MBP: variants seen among roughly 807,000 people sequenced by gnomAD.
The protein encoded by MBP is Golli-MBP.
Under a neutral mutation model 35.8 loss-of-function variants are expected in MBP, and 16 were observed. The ratio of observed to expected loss-of-function variants is 0.45; its 90% CI spans 0.30 to 0.68. MBP has a LOEUF of 0.68. Ranked by LOEUF, MBP falls within the 30% of genes least tolerant of loss-of-function variation. The pLI is 0.08. For synonymous variants in MBP, 143 were observed against 159.6 expected, an observed-to-expected ratio of 0.90 and a Z score of 0.78; for missense variants, 380 against 404.7, an observed-to-expected ratio of 0.94 and a Z score of 0.52.
chr18:77,055,126 G>A (rs1005253702), intron 3 of MBP, among the ~76,000 whole-genome samples: 1 of 152,214 alleles, frequency 6.6e-6, no homozygotes, highest in East Asian at 1.9e-4. Flanking sequence ...GAACGGCAGC[G>A]CCGCCTGCTG....
At chr18:77,099,001 C>T (rs774425053) in intron 2 of MBP, among the ~76,000 whole-genome samples, 2 of 151,728 alleles carry the variant, frequency 1.3e-5, no homozygotes, top group Non-Finnish European at 2.9e-5. Flanking sequence ...TCTCCATCCT[C>T]CCCGTCATCC....
chr18:76,985,360 G>T (rs1178150272), intron 7 of MBP: 11 of 1,275,160 alleles, frequency 8.6e-6, no homozygotes, highest in Admixed American at 2.4e-5. Flanking sequence ...GCCTTTGCTG[G>T]GGGCTCCTTT....
intron 3 of MBP, among the ~76,000 whole-genome samples, chr18:77,047,043 C>T (rs1973286407): frequency 1.3e-5 from 2 of 152,078 alleles, no homozygotes; most frequent in African/African-American, 4.8e-5. Context: ...CGATAAACAC[C>T]CAAATGTGAA....
At chr18:77,075,923 C>T (rs774010198) in intron 2 of MBP, among the ~76,000 whole-genome samples, 2 of 152,174 alleles carry the variant, frequency 1.3e-5, no homozygotes, top group African/African-American at 2.4e-5. Context: ...GACTGTTGGC[C>T]TCTGGAGGCA....
intron 2 of MBP, among the ~76,000 whole-genome samples, chr18:77,068,500 GT>G (rs1198814031): frequency 6.6e-6 from 1 of 152,190 alleles, no homozygotes; most frequent in Non-Finnish European, 1.5e-5. Flanking sequence ...TCCTCAGTCT[GT>G]TTATAAACCA....
At chr18:77,086,500 G>A (rs930514471) in intron 2 of MBP, among the ~76,000 whole-genome samples, 1 of 152,178 alleles carries the variant, frequency 6.6e-6, no homozygotes, top group African/African-American at 2.4e-5. Flanking sequence ...ATGGTTACAC[G>A]AAGATGCAAG....
chr18:77,049,350 T>C (rs1174889320), intron 3 of MBP, among the ~76,000 whole-genome samples: 1 of 152,256 alleles, frequency 6.6e-6, no homozygotes, highest in Admixed American at 6.5e-5. Context: ...CCTTGATGCA[T>C]GATGAAGATG....
intron 4 of MBP, among the ~76,000 whole-genome samples, chr18:76,992,768 T>C (rs1039697522): frequency 1.3e-5 from 2 of 152,134 alleles, no homozygotes; most frequent in African/African-American, 4.8e-5. Flanking sequence ...GGCCCTTCCC[T>C]CTGGCTGCAG....
rs1280643400 is a variant in MBP, at chr18:77,101,619, C to G, written c.51+3592G>C. Reference sequence around the variant, plus strand: ...CCACTTGTTACCAGGGACCTGCACCCCATATGAGTGGACTAACACTGCAAC... The same window carrying G: ...CCACTTGTTACCAGGGACCTGCACCGCATATGAGTGGACTAACACTGCAAC... On this transcript the variant is annotated intron_variant, in intron 2 of 8. Transcript: ENST00000355994. This position sits in a 1 kb window ranked among gnomAD's most constrained non-coding sequence, Gnocchi z 4.3. 6.6e-6 allele frequency among the ~76,000 whole-genome samples: 1 copy of G among 152,164 alleles called. No individual in the cohort carries two copies. The highest frequency in any genetic ancestry group is 6.5e-5 in the Admixed American group (1 of 15,276).
intron 2 of MBP, among the ~76,000 whole-genome samples, chr18:77,067,155 G>A (rs1343329251): frequency 6.6e-6 from 1 of 152,202 alleles, no homozygotes; most frequent in Non-Finnish European, 1.5e-5. Flanking sequence ...TGATTCAAAT[G>A]CTCTAGAAAG....
At position 77,029,139 on chromosome 18, in the gene MBP, G is replaced by A. The variant is rs1431785028; in HGVS notation, c.140-11871C>T. Among the ~76,000 whole-genome samples the A allele has an allele frequency of 1.4e-4, 16 of 113,790 alleles. 1 individual carries two copies. The highest frequency in any genetic ancestry group is 4.3e-4 in the African/African-American group (16 of 37,526). 74.7% of individuals were successfully genotyped at this position (113,790 alleles called of 152,430 possible). A position where few individuals can be genotyped will look rare whatever the true frequency, so the allele number is the denominator to read the frequency against. On this transcript the variant is annotated intron_variant, in intron 3 of 8. Transcript: ENST00000355994. ...GGGCACCATTGAGCACTGAGTGAAC[G>A]AGACTCCGTCTGCAATCCCGGCACC...
intron 4 of MBP, among the ~76,000 whole-genome samples, chr18:77,011,952 C>T (rs1971378040): frequency 6.6e-6 from 1 of 152,168 alleles, no homozygotes; most frequent in South Asian, 2.1e-4. Context: ...GATGTCAAGC[C>T]AAGCTCCTAA....
intron 2 of MBP, among the ~76,000 whole-genome samples, chr18:77,085,421 C>T (rs1462521579): frequency 6.6e-6 from 1 of 152,338 alleles, no homozygotes; most frequent in East Asian, 1.9e-4. Context: ...GTTTCTCTCC[C>T]ACTGTGGAAT....
Position 76,991,895 on chromosome 18 carries a change from C to T in MBP, c.577-1835G>A, listed in dbSNP as rs982081984. Reference sequence around the variant, plus strand: ...CAGTTTTGCCACCAAAGGCCTAACTCGCCCTGAAAAGTGCGCTTTTCTGGG... The same window carrying T: ...CAGTTTTGCCACCAAAGGCCTAACTTGCCCTGAAAAGTGCGCTTTTCTGGG... On this transcript the variant is annotated intron_variant, in intron 4 of 8. Coordinates refer to ENST00000355994, the MANE Select transcript of MBP (RefSeq NM_001025101.2). 1.1e-4 allele frequency among the ~76,000 whole-genome samples: 16 copies of T among 152,220 alleles called. 1 individual carries two copies. Among genetic ancestry groups the T allele is most frequent in the African/African-American group, 4.8e-5 (2 of 41,458 alleles).
rs898645857 is a variant in MBP at position 76,978,995 on chromosome 18, T to C, written c.*1432A>G. 1 of 152,190 alleles carries C rather than the reference T, an allele frequency of 6.6e-6. No individual in the cohort carries two copies. Among genetic ancestry groups the C allele is most frequent in the African/African-American group, 2.4e-5 (1 of 41,444 alleles). The allele number at this position is 152,190 out of a possible 1,614,324, so 9.4% of individuals were successfully genotyped here. Reference sequence around the variant, plus strand: ...TGCTTCTGCTGAAAAATTTGGAGGTTTGTGTCTGGAGTTTTGTTCTTTGTA... The same window carrying C: ...TGCTTCTGCTGAAAAATTTGGAGGTCTGTGTCTGGAGTTTTGTTCTTTGTA... On this transcript the variant is annotated 3_prime_UTR_variant, in exon 9 of 9. Coordinates refer to ENST00000355994, the MANE Select transcript of MBP (RefSeq NM_001025101.2).
chr18:77,090,246 C>T (rs181971213), intron 2 of MBP, among the ~76,000 whole-genome samples: 8 of 152,288 alleles, frequency 5.3e-5, no homozygotes, highest in Admixed American at 2.6e-4. Context: ...AAAACAAAGT[C>T]GCAACTCTAG....
At position 76,988,247 on chromosome 18, in the gene MBP, G is replaced by A. The variant is rs1221598679; in HGVS notation, c.750+248C>T. 3 of 1,550,272 alleles carry A rather than the reference G, an allele frequency of 1.9e-6. No homozygotes were observed. In the Admixed American group the frequency reaches 5.9e-5, roughly 30 times the overall value. On this transcript the variant is annotated intron_variant, in intron 7 of 8. Transcript: ENST00000355994. The surrounding 1 kb of genome is among the most constrained non-coding windows in gnomAD (Gnocchi z 5.2). ...GTCGCCTGGGAACCCTCTGGGAGAA[G>A]AGGATCTGGCCTTGCAGGGCTGGGT...
intron 2 of MBP, among the ~76,000 whole-genome samples, chr18:77,083,186 T>G (rs1038232790): frequency 1.3e-5 from 2 of 152,120 alleles, no homozygotes; most frequent in Non-Finnish European, 2.9e-5. Flanking sequence ...AGGCTGGTCT[T>G]GAACTCCTGA....
At chr18:77,014,231 T>C (rs1055330240) in intron 4 of MBP, 1 of 985,358 alleles carries the variant, frequency 1.0e-6, no homozygotes, top group African/African-American at 1.7e-5. Context: ...TGGGTGTTGT[T>C]AGGGCATTCC....
Sources: allele counts gnomAD v4.1 joint callset (sites outside exome capture counted in the v4.1 genomes callset), GRCh38; gene constraint gnomAD v4.1.1; non-coding constraint Gnocchi (gnomAD v3.1); transcripts MANE v1.5; gene names NCBI Gene and HGNC (gene_info 2026-07-23, HGNC 2026-07-21).